XKR9: variants seen among roughly 807,000 people sequenced by gnomAD.
The protein encoded by XKR9 is XK-related protein 9.
In XKR9, 32 loss-of-function variants were observed where a neutral mutation model predicts 32.0. The ratio of observed to expected loss-of-function variants is 1.00; its 90% CI spans 0.76 to 1.34. The LOEUF (loss-of-function observed/expected upper bound fraction) is 1.34. Among genes scored for constraint, XKR9 ranks in the 40% most tolerant of loss-of-function variants. XKR9 has a pLI of 0.00. For synonymous variants in XKR9, 168 were observed against 143.4 expected, an observed-to-expected ratio of 1.17 and a Z score of -1.22; for missense variants, 546 against 429.7, an observed-to-expected ratio of 1.27 and a Z score of -2.39.
At chr8:71,041,600 C>T in the XKR9 span, among the ~76,000 whole-genome samples, 1 of 152,114 alleles carries the variant, frequency 6.6e-6, no homozygotes, top group African/African-American at 2.4e-5. Flanking sequence ...TTGTAATCCC[C>T]ACATGTGGAG....
At chr8:70,804,144 G>A in the XKR9 span, among the ~76,000 whole-genome samples, 1 of 152,240 alleles carries the variant, frequency 6.6e-6, no homozygotes, top group Non-Finnish European at 1.5e-5. Flanking sequence ...ACATTAGGAG[G>A]CTGAGCCCTC....
At chr8:70,851,545 A>G in the XKR9 span, among the ~76,000 whole-genome samples, 1 of 152,224 alleles carries the variant, frequency 6.6e-6, no homozygotes. Context: ...CTACAAGACT[A>G]CAGTAACCAA....
intron 2 of XKR9, among the ~76,000 whole-genome samples, chr8:70,767,876 C>G (rs1807400312): frequency 6.6e-6 from 1 of 152,102 alleles, no homozygotes; most frequent in Non-Finnish European, 1.5e-5. Flanking sequence ...AAAAATCCAG[C>G]TCTTGGATTC....
chr8:70,909,131 C>T, the XKR9 span, among the ~76,000 whole-genome samples: 1 of 152,162 alleles, frequency 6.6e-6, no homozygotes, highest in East Asian at 1.9e-4. Context: ...TCTCACTAAT[C>T]AATCTTCTAC....
the XKR9 span, among the ~76,000 whole-genome samples, chr8:70,885,763 A>AT: frequency 7.9e-5 from 12 of 151,998 alleles, no homozygotes; most frequent in African/African-American, 2.9e-4. Context: ...CGCCCGGCTA[A>AT]TTTTTTGTAT....
the XKR9 span, among the ~76,000 whole-genome samples, chr8:70,971,313 T>C: frequency 1.3e-5 from 2 of 151,954 alleles, no homozygotes; most frequent in African/African-American, 4.8e-5. Flanking sequence ...TGATGGGATT[T>C]TTTTTTTCTT....
rs1806820832 is a variant in XKR9 at position 70,735,086 on chromosome 8, ATTATTT to A, written c.*672_*677del. On this transcript the variant is annotated 3_prime_UTR_variant, in exon 5 of 5. Transcript: ENST00000408926. ...AGTTGTATCTAAATCATATTTTAAA[ATTATTT>A]TTATTTTTAAAAAATTATGGTAAAA... The A allele has an allele frequency of 6.6e-6, 1 of 152,138 alleles. No individual in the cohort carries two copies. The highest frequency in any genetic ancestry group is 6.6e-5 in the Admixed American group (1 of 15,262). The allele number at this position is 152,138 out of a possible 1,614,324, so 9.4% of individuals were successfully genotyped here.
the XKR9 span, among the ~76,000 whole-genome samples, chr8:70,980,171 C>T: frequency 6.6e-6 from 1 of 152,352 alleles, no homozygotes; most frequent in East Asian, 1.9e-4. Flanking sequence ...TCTGCCATGG[C>T]TTCCCTTGGC....
chr8:70,699,649 C>A (rs1219874031), intron 3 of XKR9, among the ~76,000 whole-genome samples: 1 of 152,124 alleles, frequency 6.6e-6, no homozygotes, highest in Non-Finnish European at 1.5e-5. Context: ...GTGAATCTGA[C>A]AATTACGTGT....
intron 3 of XKR9, among the ~76,000 whole-genome samples, chr8:70,700,114 G>A (rs911205579): frequency 1.1e-4 from 16 of 152,024 alleles, no homozygotes; most frequent in African/African-American, 2.7e-4. Flanking sequence ...TAACTTCTTT[G>A]CCTTTGGTTT....
At chr8:70,703,219 A>T (rs1805601287) in intron 3 of XKR9, among the ~76,000 whole-genome samples, 1 of 148,016 alleles carries the variant, frequency 6.8e-6, no homozygotes, top group Admixed American at 6.7e-5. Flanking sequence ...TTTACCTGTT[A>T]TTGTTGTTTT....
At position 70,714,131 on chromosome 8, in the gene XKR9, C is replaced by G. The variant is rs78923443; in HGVS notation, c.493+6978C>G. Reference sequence around the variant, plus strand: ...GAGGGGAGAGAGATTTCTAATGTTTCTCTTTTTACAGTGACACTAGTCCTA... The same window carrying G: ...GAGGGGAGAGAGATTTCTAATGTTTGTCTTTTTACAGTGACACTAGTCCTA... On this transcript the variant is annotated intron_variant, in intron 4 of 4. Coordinates refer to ENST00000408926, the MANE Select transcript of XKR9 (RefSeq NM_001011720.2). 5.4e-3 allele frequency among the ~76,000 whole-genome samples: 824 copies of G among 152,122 alleles called. 11 individuals are homozygous for G. The highest frequency in any genetic ancestry group is 0.019 in the African/African-American group (790 of 41,520).
intron 4 of XKR9, among the ~76,000 whole-genome samples, chr8:70,726,445 T>G (rs1035854127): frequency 2.0e-5 from 3 of 152,216 alleles, no homozygotes; most frequent in African/African-American, 7.2e-5. Context: ...AATGAAAAAT[T>G]ACAGTTGAGC....
the XKR9 span, among the ~76,000 whole-genome samples, chr8:71,004,524 T>C: frequency 6.6e-6 from 1 of 152,198 alleles, no homozygotes; most frequent in Admixed American, 6.5e-5. Flanking sequence ...AATTGGGAGA[T>C]AGATTTGTAA....
the XKR9 span, among the ~76,000 whole-genome samples, chr8:70,853,621 G>A: frequency 6.7e-6 from 1 of 148,948 alleles, no homozygotes; most frequent in Non-Finnish European, 1.5e-5. Context: ...GTATACATGT[G>A]CCATGTAACT....
At chr8:71,000,848 TC>T in the XKR9 span, among the ~76,000 whole-genome samples, 1 of 152,210 alleles carries the variant, frequency 6.6e-6, no homozygotes, top group African/African-American at 2.4e-5. Context: ...GTCCAGCATC[TC>T]TTCCAAAGAG....
chr8:70,837,683 T>A, the XKR9 span, among the ~76,000 whole-genome samples: 1 of 152,086 alleles, frequency 6.6e-6, no homozygotes, highest in Non-Finnish European at 1.5e-5. Context: ...GTCTCAACCC[T>A]GGTTTGGAGG....
the XKR9 span, among the ~76,000 whole-genome samples, chr8:70,859,971 A>G: frequency 6.6e-6 from 1 of 152,146 alleles, no homozygotes; most frequent in African/African-American, 2.4e-5. Context: ...GTATTTCAAA[A>G]TAGCTAGAAG....
chr8:71,065,298 T>C, the XKR9 span, among the ~76,000 whole-genome samples: 3 of 152,144 alleles, frequency 2.0e-5, no homozygotes, highest in East Asian at 5.8e-4. Context: ...TCTGACAGGA[T>C]TGGTGGCCTT....
Sources: allele counts gnomAD v4.1 joint callset (sites outside exome capture counted in the v4.1 genomes callset), GRCh38; gene constraint gnomAD v4.1.1; transcripts MANE v1.5; gene names NCBI Gene and HGNC (gene_info 2026-07-23, HGNC 2026-07-21).